Variants in ASXL3 observed in about 807,000 individuals in gnomAD.
The protein encoded by ASXL3 is putative Polycomb group protein ASXL3.
In ASXL3, 34 loss-of-function variants were observed where a neutral mutation model predicts 170.6. The observed-to-expected ratio is 0.20, with a 90% confidence interval of 0.15 to 0.27. The LOEUF (loss-of-function observed/expected upper bound fraction) is 0.27, where lower values mean the gene tolerates loss of function less well. Among genes scored for constraint, ASXL3 ranks in the 10% least tolerant of loss-of-function variants. The pLI is 1.00. For missense variants in ASXL3, 2,592 were observed against 2,695.3 expected, an observed-to-expected ratio of 0.96 and a Z score of 0.85; for synonymous variants, 1,002 against 989.1, an observed-to-expected ratio of 1.01 and a Z score of -0.24.
chr18:33,580,406 A>G (rs1393769330), intron 1 of ASXL3, among the ~76,000 whole-genome samples: 3 of 152,204 alleles, frequency 2.0e-5, no homozygotes, highest in African/African-American at 7.2e-5. Context: ...TGCATTATTC[A>G]GGTTCCGTGG....
intron 2 of ASXL3, among the ~76,000 whole-genome samples, chr18:33,642,685 A>T (rs1030371470): frequency 2.6e-5 from 4 of 151,950 alleles, no homozygotes; most frequent in African/African-American, 9.7e-5. Context: ...AAACAGTATA[A>T]TTTAATAATA....
rs1469051117 is a variant in ASXL3, at chr18:33,747,925, C to T, written c.*1330C>T. ...GCTACATTCCATATATTTTGGCCACCCTCATACCAGAGGACAGCCGTAGTT... is the reference window on the plus strand; with the variant it reads ...GCTACATTCCATATATTTTGGCCACTCTCATACCAGAGGACAGCCGTAGTT... On this transcript the variant is annotated 3_prime_UTR_variant, in exon 12 of 12. Transcript: ENST00000269197. The T allele has an allele frequency of 1.3e-5, 2 of 152,156 alleles. No homozygotes were observed. Among genetic ancestry groups the T allele is most frequent in the East Asian group, 3.8e-4 (2 of 5,198 alleles). The allele number at this position is 152,156 out of a possible 1,614,324, so 9.4% of individuals were successfully genotyped here. A position where few individuals can be genotyped will look rare whatever the true frequency, so the allele number is the denominator to read the frequency against.
intron 2 of ASXL3, among the ~76,000 whole-genome samples, chr18:33,619,232 A>G (rs1489989064): frequency 2.0e-5 from 3 of 152,118 alleles, no homozygotes; most frequent in African/African-American, 7.2e-5. Flanking sequence ...CTTTTTAAAC[A>G]TTTGTGGCCT....
intron 9 of ASXL3, among the ~76,000 whole-genome samples, 172 bp from the exon 10 acceptor site, chr18:33,734,138 T>TTTAGCATTCTTCTAAA (rs2067504763): frequency 6.6e-6 from 1 of 152,168 alleles, no homozygotes; most frequent in African/African-American, 2.4e-5. Flanking sequence ...AGCATTTTTA[T>TTTAGCATTCTTCTAAA]GAACATCTTG....
intron 8 of ASXL3, among the ~76,000 whole-genome samples, chr18:33,687,247 C>T (rs922458780): frequency 4.6e-5 from 7 of 151,960 alleles, no homozygotes; most frequent in Non-Finnish European, 8.8e-5. Context: ...CAGAAAGGGA[C>T]GGGTGACTTG....
At chr18:33,711,849 A>T (rs1444388925) in intron 8 of ASXL3, among the ~76,000 whole-genome samples, 1 of 152,086 alleles carries the variant, frequency 6.6e-6, no homozygotes, top group Non-Finnish European at 1.5e-5. Flanking sequence ...CTTATATATC[A>T]CTCAGCAATA....
At chr18:33,662,635 C>A (rs551240871) in intron 5 of ASXL3, among the ~76,000 whole-genome samples, 14 of 152,016 alleles carry the variant, frequency 9.2e-5, no homozygotes, top group African/African-American at 3.4e-4. Flanking sequence ...GGAAGGTTCA[C>A]GTATTTAATT....
chr18:33,607,822 G>A lies in ASXL3; in HGVS notation c.137+146G>A, dbSNP rs144573318. The stretch of plus-strand genomic sequence containing the variant: ...ATTCTTTCTAATTAAGAAATCGTTG[G>A]ATGATTTAAGATTTCCTTGGACTTG... On this transcript the variant is annotated intron_variant, in intron 2 of 11. Coordinates refer to ENST00000269197, the MANE Select transcript of ASXL3 (RefSeq NM_030632.3). 1.4e-4 allele frequency: 97 copies of A among 681,114 alleles called. No individual in the cohort carries two copies. In the African/African-American group the frequency reaches 1.7e-3, roughly 12 times the overall value. The allele number at this position is 681,114 out of a possible 1,614,324, so 42.2% of individuals were successfully genotyped here.
At chr18:33,620,166 G>T (rs2065487613) in intron 2 of ASXL3, among the ~76,000 whole-genome samples, 1 of 152,026 alleles carries the variant, frequency 6.6e-6, no homozygotes, top group Non-Finnish European at 1.5e-5. Context: ...GCCAAGCAGG[G>T]CATGTTTCAG....
Position 33,746,745 on chromosome 18 carries a change from A to ATCCTCCCC in ASXL3, c.*151_*152insCCTCCCCT. 3 of 1,298,840 alleles carry ATCCTCCCC rather than the reference A, an allele frequency of 2.3e-6. No homozygotes were observed. The highest frequency in any genetic ancestry group is 3.0e-6 in the Non-Finnish European group (3 of 984,208). 80.5% of individuals were successfully genotyped at this position (1,298,840 alleles called of 1,614,324 possible). A position where few individuals can be genotyped will look rare whatever the true frequency, so the allele number is the denominator to read the frequency against. The stretch of plus-strand genomic sequence containing the variant: ...TTCCTCTATGGCATTATTTTCTTGC[A>ATCCTCCCC]TTTCTCATAAAGGGGAGGATGCATC... On this transcript the variant is annotated 3_prime_UTR_variant, in exon 12 of 12. Coordinates refer to ENST00000269197, the MANE Select transcript of ASXL3 (RefSeq NM_030632.3).
chr18:33,620,520 T>C (rs1441949458), intron 2 of ASXL3, among the ~76,000 whole-genome samples: 1 of 152,186 alleles, frequency 6.6e-6, no homozygotes, highest in Non-Finnish European at 1.5e-5. Context: ...CCAAAGTTTT[T>C]ACGGCTTACT....
intron 2 of ASXL3, among the ~76,000 whole-genome samples, chr18:33,610,203 T>TA (rs1219183669): frequency 5.9e-5 from 9 of 152,086 alleles, no homozygotes; most frequent in African/African-American, 1.9e-4. Flanking sequence ...TGTAACTGTA[T>TA]GTATTTTTCT....
intron 8 of ASXL3, among the ~76,000 whole-genome samples, chr18:33,714,754 G>T (rs967933663): frequency 6.6e-6 from 1 of 151,832 alleles, no homozygotes; most frequent in South Asian, 2.1e-4. Flanking sequence ...TCCTCCCCCG[G>T]TCTTTCTCTC....
rs568221465 is a variant in ASXL3, at chr18:33,676,222, C to CAAAAAAA, written c.715+4375_715+4381dup. 4.4e-3 allele frequency among the ~76,000 whole-genome samples: 184 copies of CAAAAAAA among 41,710 alleles called. 16 individuals are homozygous for CAAAAAAA. Among genetic ancestry groups the CAAAAAAA allele is most frequent in the African/African-American group, 0.016 (159 of 10,238 alleles). 27.4% of individuals were successfully genotyped at this position (41,710 alleles called of 152,430 possible). A position where few individuals can be genotyped will look rare whatever the true frequency, so the allele number is the denominator to read the frequency against. On this transcript the variant is annotated intron_variant, in intron 7 of 11. Transcript: ENST00000269197. ...CTGGGTGACGAGCGAGACTCCGTCT[C>CAAAAAAA]AAAAAAAAAAAAAAAAAAAAAAAAA...
At chr18:33,608,939 C>T (rs563984839) in intron 2 of ASXL3, 2 of 711,512 alleles carry the variant, frequency 2.8e-6, no homozygotes, top group East Asian at 1.3e-4. Flanking sequence ...GTACAGGACA[C>T]CTATGCTCAA....
chr18:33,748,268 A>G lies in ASXL3; in HGVS notation c.*1673A>G, dbSNP rs2067829135. ...GAGCAGAAATTACATTCCTGAAAACAAGAACACTTGTGATTTTTTTATAAT... is the reference window on the plus strand; with the variant it reads ...GAGCAGAAATTACATTCCTGAAAACGAGAACACTTGTGATTTTTTTATAAT... On this transcript the variant is annotated 3_prime_UTR_variant, in exon 12 of 12. Transcript: ENST00000269197. The G allele has an allele frequency of 6.6e-6, 1 of 152,198 alleles. No homozygotes were observed. Among genetic ancestry groups the G allele is most frequent in the African/African-American group, 2.4e-5 (1 of 41,458 alleles). The allele number at this position is 152,198 out of a possible 1,614,324, so 9.4% of individuals were successfully genotyped here.
intron 2 of ASXL3, among the ~76,000 whole-genome samples, chr18:33,613,897 CTT>C (rs2065377522): frequency 6.6e-6 from 1 of 152,134 alleles, no homozygotes; most frequent in East Asian, 1.9e-4. Context: ...TCCACTCCAA[CTT>C]GGGTGACTGA....
intron 1 of ASXL3, among the ~76,000 whole-genome samples, chr18:33,602,464 A>G (rs893885481): frequency 6.6e-6 from 1 of 152,112 alleles, no homozygotes; most frequent in Non-Finnish European, 1.5e-5. Flanking sequence ...GATGTAATTT[A>G]TTTTCTCATC....
At chr18:33,658,082 A>G (rs562897210) in intron 4 of ASXL3, among the ~76,000 whole-genome samples, 9 of 152,230 alleles carry the variant, frequency 5.9e-5, no homozygotes, top group Admixed American at 5.2e-4. Context: ...TCTAAGCTGC[A>G]TGTCAGTCTT....
Sources: gnomAD v4.1 joint callset for allele counts (sites outside exome capture counted in the v4.1 genomes callset) on GRCh38, gnomAD v4.1.1 for gene constraint, MANE v1.5 for transcripts, NCBI Gene and HGNC (gene_info 2026-07-23, HGNC 2026-07-21) for gene names.